Variants in IGSF9B observed in about 807,000 individuals in gnomAD.
The protein encoded by IGSF9B is immunoglobulin superfamily member 9B, also known as protein turtle homolog B.
In IGSF9B, 48 loss-of-function variants were observed where a neutral mutation model predicts 143.7. That is an observed-to-expected ratio of 0.33 (90% CI 0.26 to 0.42). The LOEUF (loss-of-function observed/expected upper bound fraction) is 0.42, where lower values mean the gene tolerates loss of function less well. Ranked by LOEUF, IGSF9B falls within the 20% of genes least tolerant of loss-of-function variation. The probability of loss-of-function intolerance (pLI) is 1.00; values close to 1 mark genes in which losing one functional copy is unlikely to be tolerated. For missense variants in IGSF9B, 1,706 were observed against 1,980.0 expected, an observed-to-expected ratio of 0.86 and a Z score of 2.63; for synonymous variants, 903 against 833.1, an observed-to-expected ratio of 1.08 and a Z score of -1.44.
At chr11:133,937,755 C>T in intron 4 of IGSF9B, 55 bp downstream of exon 4, 1 of 1,575,382 alleles carries the variant, frequency 6.3e-7, no homozygotes, top group Non-Finnish European at 8.6e-7. Context: ...TAGGAGGCTG[C>T]CCTGGGGAAA....
intron 1 of IGSF9B, chr11:133,951,808 C>G (rs1172659734): frequency 5.3e-6 from 1 of 189,506 alleles, no homozygotes; most frequent in Non-Finnish European, 1.1e-5. Context: ...CCCCAGGAGG[C>G]TGGGCTCCGT....
chr11:133,902,378 A>C lies in IGSF9B; in HGVS notation c.*6691T>G. On this transcript the variant is annotated 3_prime_UTR_variant, in exon 20 of 20. Coordinates refer to ENST00000533871, the MANE Select transcript of IGSF9B (RefSeq NM_001277285.4). The stretch of plus-strand genomic sequence containing the variant: ...CAACCACACAATAGACACACCACAC[A>C]CAACACACCACACAATACGCACAAC... 6.8e-6 allele frequency among the ~76,000 whole-genome samples: 1 copy of C among 146,696 alleles called. No individual in the cohort carries two copies. Among genetic ancestry groups the C allele is most frequent in the South Asian group, 2.2e-4 (1 of 4,500 alleles).
Position 133,945,805 on chromosome 11 carries a change from A to G in IGSF9B, c.262+256T>C, listed in dbSNP as rs1940036775. Among the ~76,000 whole-genome samples, 1 of 152,036 alleles carries G rather than the reference A, an allele frequency of 6.6e-6. No individual in the cohort carries two copies. Among genetic ancestry groups the G allele is most frequent in the Non-Finnish European group, 1.5e-5 (1 of 67,994 alleles). On this transcript the variant is annotated intron_variant, in intron 2 of 19. Coordinates refer to ENST00000533871, the MANE Select transcript of IGSF9B (RefSeq NM_001277285.4). The surrounding 1 kb of genome is among the most constrained non-coding windows in gnomAD (Gnocchi z 4.6). ...CCCACTCTCCCACCCAGGCCTCTCC[A>G]GCTTCCCCTTTGGCTCCCAGCCCTC...
intron 18 of IGSF9B, among the ~76,000 whole-genome samples, chr11:133,918,408 A>T (rs1189482479): frequency 6.6e-6 from 1 of 151,992 alleles, no homozygotes; most frequent in Non-Finnish European, 1.5e-5. Flanking sequence ...CGGACAGGCG[A>T]GGCCGGAGCG....
chr11:133,930,852 G>T, intron 11 of IGSF9B, 132 bp downstream of exon 11: 2 of 943,688 alleles, frequency 2.1e-6, no homozygotes, highest in African/African-American at 1.7e-5. Flanking sequence ...GCGGAGTTCA[G>T]GGCTGCACTG....
At chr11:133,939,423 C>CT (rs1359939095) in intron 3 of IGSF9B, among the ~76,000 whole-genome samples, 1 of 152,220 alleles carries the variant, frequency 6.6e-6, no homozygotes, top group Admixed American at 6.5e-5. Context: ...ATGGTGGCTC[C>CT]TTAAGAGCAG....
In IGSF9B at chr11:133,899,493, C is replaced by T. The variant is rs1305832046; in HGVS notation, c.*9576G>A. On this transcript the variant is annotated 3_prime_UTR_variant, in exon 20 of 20. Coordinates refer to ENST00000533871, the MANE Select transcript of IGSF9B (RefSeq NM_001277285.4). ...ACAATTTCAAGGTAGGGGCTATGGC[C>T]CCATCTTCCCTTTCCCTCCCCAAAA... is the stretch of plus-strand genomic sequence containing the variant. The T allele has an allele frequency of 6.6e-6, 1 of 152,322 alleles. No homozygotes were observed. The highest frequency in any genetic ancestry group is 1.5e-5 in the Non-Finnish European group (1 of 68,116). 9.4% of individuals were successfully genotyped at this position (152,322 alleles called of 1,614,324 possible). A position where few individuals can be genotyped will look rare whatever the true frequency, so the allele number is the denominator to read the frequency against.
chr11:133,951,978 T>A (rs568220591), intron 1 of IGSF9B: 29 of 448,216 alleles, frequency 6.5e-5, no homozygotes, highest in South Asian at 4.5e-4. Context: ...CCCCGCTCCA[T>A]CTCGGGGGCA....
chr11:133,947,938 T>C (rs531713148), intron 1 of IGSF9B, among the ~76,000 whole-genome samples: 1 of 152,246 alleles, frequency 6.6e-6, no homozygotes, highest in East Asian at 1.9e-4. Context: ...TGGCTCCTGC[T>C]CCTTCACCAT....
At chr11:133,912,685 C>A (rs1939320131) in intron 18 of IGSF9B, among the ~76,000 whole-genome samples, 1 of 152,208 alleles carries the variant, frequency 6.6e-6, no homozygotes, top group South Asian at 2.1e-4. Flanking sequence ...GAGAAAGTGG[C>A]AGGAGATAAC....
At chr11:133,925,648 C>G (rs1939609894) in intron 14 of IGSF9B, 91 bp downstream of exon 14, 2 of 1,035,750 alleles carry the variant, frequency 1.9e-6, no homozygotes, top group Non-Finnish European at 2.9e-6. Flanking sequence ...CTCACACACC[C>G]AAAGTTGGTC....
rs1939064614 is a variant in IGSF9B, at chr11:133,898,729, T to C, written c.*10340A>G. 6.5e-6 allele frequency: 1 copy of C among 152,896 alleles called. No homozygotes were observed. The highest frequency in any genetic ancestry group is 1.5e-5 in the Non-Finnish European group (1 of 68,140). The allele number at this position is 152,896 out of a possible 1,614,324, so 9.5% of individuals were successfully genotyped here. On this transcript the variant is annotated 3_prime_UTR_variant, in exon 20 of 20. Coordinates refer to ENST00000533871, the MANE Select transcript of IGSF9B (RefSeq NM_001277285.4). ...ACAATTCCCCTTTCTAACACCTCAGTCTAAAGTTCCAGAATCAAGACCATC... is the reference window on the plus strand; with the variant it reads ...ACAATTCCCCTTTCTAACACCTCAGCCTAAAGTTCCAGAATCAAGACCATC...
Position 133,922,225 on chromosome 11 carries a change from G to A in IGSF9B, c.2282-3C>T. 1 of 1,612,184 alleles carries A rather than the reference G, an allele frequency of 6.2e-7. No homozygotes were observed. Among genetic ancestry groups the A allele is most frequent in the Non-Finnish European group, 8.5e-7 (1 of 1,179,102 alleles). On this transcript the variant is annotated splice_region_variant and splice_polypyrimidine_tract_variant and intron_variant, in intron 16 of 19. Coordinates refer to ENST00000533871, the MANE Select transcript of IGSF9B (RefSeq NM_001277285.4). Reference sequence around the variant, plus strand: ...GTGGGTGATGGAGAGTGGAGGGTCTGGAAGGAAAGAGAAGGGGAGAGGCTG... The same window carrying A: ...GTGGGTGATGGAGAGTGGAGGGTCTAGAAGGAAAGAGAAGGGGAGAGGCTG...
At chr11:133,933,975 T>C (rs544698447) in intron 7 of IGSF9B, among the ~76,000 whole-genome samples, 1 of 148,186 alleles carries the variant, frequency 6.7e-6, no homozygotes, top group Admixed American at 6.9e-5. Context: ...TACTTTTGTA[T>C]GGTAGAGTTT....
intron 17 of IGSF9B, 53 bp from the exon 18 acceptor site, chr11:133,921,450 C>G: frequency 7.3e-7 from 1 of 1,369,610 alleles, no homozygotes; most frequent in Non-Finnish European, 9.6e-7. Flanking sequence ...GTGTGCTGGC[C>G]AGGACTTCCT....
intron 1 of IGSF9B, among the ~76,000 whole-genome samples, chr11:133,947,501 A>G (rs919881508): frequency 6.6e-6 from 1 of 152,174 alleles, no homozygotes; most frequent in Non-Finnish European, 1.5e-5. Flanking sequence ...AAAGACAGAG[A>G]GCCAGCTGGG....
At chr11:133,940,817 C>T (rs917092903) in intron 3 of IGSF9B, among the ~76,000 whole-genome samples, 1 of 152,268 alleles carries the variant, frequency 6.6e-6, no homozygotes, top group Non-Finnish European at 1.5e-5. Flanking sequence ...AAAATCAATT[C>T]TTATCCAGTG....
rs1939232311 is a variant in IGSF9B, at chr11:133,907,804, G to A, written c.*1265C>T. Among the ~76,000 whole-genome samples, 1 of 152,230 alleles carries A rather than the reference G, an allele frequency of 6.6e-6. No individual in the cohort carries two copies. On this transcript the variant is annotated 3_prime_UTR_variant, in exon 20 of 20. Coordinates refer to ENST00000533871, the MANE Select transcript of IGSF9B (RefSeq NM_001277285.4). ...AGGATCCAGAGCGTCCCAGGCCCCA[G>A]CAGCCAGAGGCGCCCTAGCTTCACC...
At chr11:133,911,343 G>A (rs1939298187) in intron 19 of IGSF9B, among the ~76,000 whole-genome samples, 1 of 152,326 alleles carries the variant, frequency 6.6e-6, no homozygotes, top group South Asian at 2.1e-4. Flanking sequence ...TGAGAAGGGT[G>A]TAGCCAACCT....
Sources: allele counts gnomAD v4.1 joint callset (sites outside exome capture counted in the v4.1 genomes callset), GRCh38; gene constraint gnomAD v4.1.1; non-coding constraint Gnocchi (gnomAD v3.1); transcripts MANE v1.5; gene names NCBI Gene and HGNC (gene_info 2026-07-23, HGNC 2026-07-21).